Variants in HCN1 observed in about 807,000 individuals in gnomAD.
HCN1 encodes the protein hyperpolarization activated cyclic nucleotide gated potassium channel 1, also known as potassium/sodium hyperpolarization-activated cyclic nucleotide-gated channel 1.
Under a neutral mutation model 78.9 loss-of-function variants are expected in HCN1, and 13 were observed. The observed-to-expected ratio is 0.16, with a 90% CI of 0.11 to 0.26. The LOEUF (loss-of-function observed/expected upper bound fraction) is 0.26, where lower values mean the gene tolerates loss of function less well. Ranked by LOEUF, HCN1 falls within the 10% of genes least tolerant of loss-of-function variation. The pLI is 1.00. For missense variants in HCN1, 810 were observed against 1,154.3 expected (o/e 0.70, Z 4.32); for synonymous variants, 552 against 455.5 (o/e 1.21, Z -2.70).
At chr5:45,324,568 T>C (rs1284551770) in intron 5 of HCN1, among the ~76,000 whole-genome samples, 1 of 151,800 alleles carries the variant, frequency 6.6e-6, no homozygotes, top group Non-Finnish European at 1.5e-5. Flanking sequence ...GTAAACTAGT[T>C]CAACCTAAAG....
At chr5:45,575,698 C>T (rs948758970) in intron 2 of HCN1, 1 of 152,040 alleles carries the variant, frequency 6.6e-6, no homozygotes, top group Admixed American at 6.6e-5. Flanking sequence ...ACTCTTGAGA[C>T]CTACTGCTCA....
intron 1 of HCN1, among the ~76,000 whole-genome samples, chr5:45,686,470 C>T (rs1006703353): frequency 1.3e-4 from 20 of 152,166 alleles, no homozygotes; most frequent in Non-Finnish European, 2.5e-4. Context: ...ACCACATTTA[C>T]GTTTCTCCTG....
In HCN1 at chr5:45,383,470, C is replaced by A. The variant is rs183173109; in HGVS notation, c.1230+13022G>T. On this transcript the variant is annotated intron_variant, in intron 4 of 7. Transcript: ENST00000303230. Reference sequence around the variant, plus strand: ...CAGAATTTTGGGAGGCCGAGGCGGACGAATCACCTGAGGTCAAGAGTTTCA... The same window carrying A: ...CAGAATTTTGGGAGGCCGAGGCGGAAGAATCACCTGAGGTCAAGAGTTTCA... Among the ~76,000 whole-genome samples, 4 of 152,198 alleles carry A rather than the reference C, an allele frequency of 2.6e-5. No individual in the cohort carries two copies. In the East Asian group the frequency reaches 7.7e-4, roughly 29 times the overall value.
intron 6 of HCN1, among the ~76,000 whole-genome samples, chr5:45,301,994 AAAG>A (rs1745632603): frequency 6.6e-6 from 1 of 152,122 alleles, no homozygotes; most frequent in South Asian, 2.1e-4. Flanking sequence ...AAAAATGTGC[AAAG>A]AATAGGAACA....
At chr5:45,585,880 C>G (rs1366514609) in intron 2 of HCN1, among the ~76,000 whole-genome samples, 1 of 152,164 alleles carries the variant, frequency 6.6e-6, no homozygotes, top group South Asian at 2.1e-4. Flanking sequence ...GATCGTTCCT[C>G]TGGAAGTTTT....
chr5:45,412,719 T>C (rs1361241470), intron 3 of HCN1, among the ~76,000 whole-genome samples: 2 of 151,436 alleles, frequency 1.3e-5, no homozygotes, highest in East Asian at 2.0e-4. Context: ...GGAGGTTGTA[T>C]AGTTTGCCCC....
intron 5 of HCN1, 30 bp from the exon 6 acceptor site, chr5:45,303,869 A>G (rs1344172339): frequency 1.9e-6 from 3 of 1,589,026 alleles, no homozygotes; most frequent in Non-Finnish European, 2.6e-6. Flanking sequence ...ACAAATATTA[A>G]GAGAGATATT....
At chr5:45,306,288 T>TC (rs1745733315) in intron 5 of HCN1, among the ~76,000 whole-genome samples, 1 of 152,122 alleles carries the variant, frequency 6.6e-6, no homozygotes, top group Non-Finnish European at 1.5e-5. Context: ...TTCATGGATC[T>TC]CTCATTTTTT....
At chr5:45,289,134 A>G (rs1319212172) in intron 6 of HCN1, among the ~76,000 whole-genome samples, 3 of 152,104 alleles carry the variant, frequency 2.0e-5, no homozygotes, top group Non-Finnish European at 4.4e-5. Flanking sequence ...AAAGCCCATT[A>G]TCTTTCCTAT....
At chr5:45,349,574 AG>A (rs1561118677) in intron 5 of HCN1, among the ~76,000 whole-genome samples, 1 of 152,076 alleles carries the variant, frequency 6.6e-6, no homozygotes, top group Non-Finnish European at 1.5e-5. Flanking sequence ...AAAAAATTAA[AG>A]AATGCAGGAG....
At chr5:45,583,698 T>A (rs185116027) in intron 2 of HCN1, among the ~76,000 whole-genome samples, 1 of 152,292 alleles carries the variant, frequency 6.6e-6, no homozygotes, top group East Asian at 1.9e-4. Context: ...CTGCTCTGAA[T>A]GTGTCCCAGA....
intron 2 of HCN1, among the ~76,000 whole-genome samples, chr5:45,534,006 A>G (rs889180898): frequency 1.3e-5 from 2 of 152,130 alleles, no homozygotes. Flanking sequence ...TATTATCTAA[A>G]AGTTTTTGAG....
chr5:45,402,454 G>T (rs1310186750), intron 3 of HCN1, among the ~76,000 whole-genome samples: 2 of 152,088 alleles, frequency 1.3e-5, no homozygotes, highest in South Asian at 2.1e-4. Context: ...TAAAAATTCT[G>T]CAGTTCAGAG....
In HCN1 at chr5:45,677,476, AG is replaced by A. The variant is rs576959078; in HGVS notation, c.425+18192del. Among the ~76,000 whole-genome samples the A allele has an allele frequency of 3.2e-3, 487 of 152,006 alleles. 2 individuals carry two copies. Among genetic ancestry groups the A allele is most frequent in the Admixed American group, 7.5e-3 (114 of 15,224 alleles). ...AACAATCCAAAGAGAAAAGAAACAGAGACCTCCAAAAGGGGTATTAAGTGCC... is the reference window on the plus strand; with the variant it reads ...AACAATCCAAAGAGAAAAGAAACAGAACCTCCAAAAGGGGTATTAAGTGCC... On this transcript the variant is annotated intron_variant, in intron 1 of 7. Transcript: ENST00000303230.
At chr5:45,549,109 C>T (rs1439343913) in intron 2 of HCN1, among the ~76,000 whole-genome samples, 1 of 151,982 alleles carries the variant, frequency 6.6e-6, no homozygotes, top group Non-Finnish European at 1.5e-5. Flanking sequence ...CCCCATCAAG[C>T]TACCAATGAC....
chr5:45,381,511 G>A (rs1747806219), intron 4 of HCN1, among the ~76,000 whole-genome samples: 4 of 152,094 alleles, frequency 2.6e-5, no homozygotes, highest in Admixed American at 2.6e-4. Flanking sequence ...TTGTCATAAT[G>A]ATTCTTTCCC....
At chr5:45,491,507 T>C (rs1741886182) in intron 2 of HCN1, among the ~76,000 whole-genome samples, 1 of 152,212 alleles carries the variant, frequency 6.6e-6, no homozygotes, top group Non-Finnish European at 1.5e-5. Flanking sequence ...TTTGCCACTT[T>C]TTCATAGACT....
chr5:45,326,337 C>T (rs1021551445), intron 5 of HCN1, among the ~76,000 whole-genome samples: 2 of 151,576 alleles, frequency 1.3e-5, no homozygotes, highest in Non-Finnish European at 3.0e-5. Context: ...TTCACCTTAA[C>T]GTAGTTGTAA....
intron 1 of HCN1, among the ~76,000 whole-genome samples, chr5:45,657,584 T>A (rs983621118): frequency 6.6e-6 from 1 of 152,188 alleles, no homozygotes; most frequent in Admixed American, 6.5e-5. Flanking sequence ...TTGGCTCACT[T>A]TTTAAAGATA....
Sources: gnomAD v4.1 joint callset for allele counts (sites outside exome capture counted in the v4.1 genomes callset) on GRCh38, gnomAD v4.1.1 for gene constraint, MANE v1.5 for transcripts, NCBI Gene and HGNC (gene_info 2026-07-23, HGNC 2026-07-21) for gene names.